Variants in LZTR1 observed in about 807,000 individuals in gnomAD.
LZTR1 encodes leucine zipper like post translational regulator 1.
In LZTR1, 260 loss-of-function variants were observed where a neutral mutation model predicts 105.7. That is an observed-to-expected ratio of 2.46 (90% CI 2.22 to 2.72). LZTR1 has a LOEUF of 2.72. LZTR1 is among the 30% of genes most tolerant of loss of function. The pLI is 0.00. For missense variants in LZTR1, 1,214 were observed against 1,166.9 expected (o/e 1.04, Z -0.59); for synonymous variants, 490 against 476.4 (o/e 1.03, Z -0.37).
Position 20,994,901 on chromosome 22 carries a change from C to T in LZTR1, c.1817C>T (p.Ser606Phe), listed in dbSNP as rs777269581. 1 of 1,613,378 alleles carries T rather than the reference C, an allele frequency of 6.2e-7. No homozygotes were observed. The highest frequency in any genetic ancestry group is 8.5e-7 in the Non-Finnish European group (1 of 1,179,992). ...EHCLNFVVKE[S>F]HFNQVIMMKE... ...TGCCTGAACTTCGTGGTAAAGGAGT[C>T]CCACTTCAACCAGGTGATCATGATG... Residue 606 changes from serine (S) to phenylalanine (F), a missense_variant, in exon 16 of 21, where the codon TCC (serine) becomes TTC (phenylalanine). By Grantham distance (155) the Ser-to-Phe change is radical (BLOSUM62 -2). Coordinates refer to ENST00000646124, the MANE Select transcript of LZTR1 (RefSeq NM_006767.4).
rs1046322896 is a variant in LZTR1, at chr22:20,989,644, A to G, written c.613A>G (p.Ile205Val). ...GNARLNDMWT[I>V]GLQDRELTCW... is the part of the protein sequence containing the mutation. ...ATACAGGTTGAATGACATGTGGACA[A>G]TTGGCCTCCAGGACCGAGAGCTCAC... Residue 205 changes from isoleucine (I) to valine (V), a missense_variant, in exon 7 of 21, where the codon ATT (isoleucine) becomes GTT (valine). Physicochemically the swap from Ile to Val is conservative, Grantham distance 29 (BLOSUM62 3). Coordinates refer to ENST00000646124, the MANE Select transcript of LZTR1 (RefSeq NM_006767.4). 7 of 1,613,486 alleles carry G rather than the reference A, an allele frequency of 4.3e-6. No homozygotes were observed. The highest frequency in any genetic ancestry group is 2.7e-5 in the African/African-American group (2 of 74,904).
rs1555927181 is a variant in LZTR1, at chr22:20,984,615, G to GT, written c.264-1226_264-1225insT. The stretch of plus-strand genomic sequence containing the variant: ...TGCGGCACGTGGGGCAAGTAAGGAG[G>GT]GGGGGGGGGCGGTATCACAATCACC... On this transcript the variant is annotated intron_variant, in intron 2 of 20. Transcript: ENST00000646124. Among the ~76,000 whole-genome samples, 113 of 35,070 alleles carry GT rather than the reference G, an allele frequency of 3.2e-3. 4 individuals carry two copies. Among genetic ancestry groups the GT allele is most frequent in the Non-Finnish European group, 7.8e-3 (74 of 9,492 alleles). The allele number at this position is 35,070 out of a possible 152,430, so 23.0% of individuals were successfully genotyped here.
At chr22:20,993,627 C>G (rs1294434623) in intron 11 of LZTR1, 35 bp from the exon 12 acceptor site, 14 of 1,581,740 alleles carry the variant, frequency 8.9e-6, no homozygotes, top group Non-Finnish European at 1.2e-5. Flanking sequence ...ACCCTGCTGT[C>G]TGCAACATCT....
At chr22:20,994,495 C>G in intron 14 of LZTR1, 63 bp from the exon 15 acceptor site, 3 of 1,548,714 alleles carry the variant, frequency 1.9e-6, no homozygotes, top group Non-Finnish European at 2.6e-6. Flanking sequence ...GGGGGGAGCC[C>G]TGCGCCCTGT....
At chr22:20,993,200 AG>A (rs1924669291) in intron 11 of LZTR1, 1 of 451,818 alleles carries the variant, frequency 2.2e-6, no homozygotes, top group Admixed American at 3.8e-5. Context: ...AGCCTGGCCC[AG>A]GGCAGAGCCA....
intron 5 of LZTR1, 29 bp from the exon 6 acceptor site, chr22:20,988,756 CCTCA>C (rs879767621): frequency 1.3e-6 from 2 of 1,561,394 alleles, no homozygotes; most frequent in Non-Finnish European, 1.8e-6. Flanking sequence ...TGCTGGGCGG[CCTCA>C]CTCCCTCCCC....
chr22:20,990,249 C>G (rs950770496), intron 7 of LZTR1, 137 bp from the exon 8 acceptor site: 5 of 1,015,188 alleles, frequency 4.9e-6, no homozygotes, highest in Non-Finnish European at 7.5e-6. Context: ...ATGAGCTGTT[C>G]CAAGACAAAG....
intron 13 of LZTR1, 21 bp downstream of exon 13, chr22:20,994,040 G>C: frequency 6.3e-7 from 1 of 1,595,274 alleles, no homozygotes. Context: ...TAACCGCCCT[G>C]CCCTGACCTG....
chr22:20,996,915 A>G lies in LZTR1; in HGVS notation c.2355A>G (p.Ala785=), dbSNP rs751681487. The stretch of plus-strand genomic sequence containing the variant: ...TGGAGGCAGCTGACAAAACGCAGGC[A>G]CTGGACATGAAGCGGCACTGCCTGC... ...QILEAADKTQ[A]LDMKRHCLHI... Residue 785 remains alanine, a synonymous_variant, in exon 20 of 21, where the codon GCA becomes GCG. Coordinates refer to ENST00000646124, the MANE Select transcript of LZTR1 (RefSeq NM_006767.4). 5.2e-5 allele frequency: 84 copies of G among 1,613,038 alleles called. No individual in the cohort carries two copies. In the Admixed American group the frequency reaches 1.3e-3, roughly 26 times the overall value.
At position 20,982,388 on chromosome 22, in the gene LZTR1, G is replaced by T. The variant is rs1169396415; in HGVS notation, c.17G>T (p.Ser6Ile). 2 of 1,556,944 alleles carry T rather than the reference G, an allele frequency of 1.3e-6. No individual in the cohort carries two copies. The highest frequency in any genetic ancestry group is 1.9e-5 in the Admixed American group (1 of 51,730). The change falls in exon 1 of 21, where the codon AGC (serine) becomes ATC (isoleucine). Residue 6 changes from serine to isoleucine, a missense_variant. Transcript: ENST00000646124. ...GGACCCGGGATGGCTGGACCGGGCA[G>T]CACGGGGGGGCAGATCGGGGCTGCG... The part of the protein sequence containing the change: MAGPG[S>I]TGGQIGAAAL...
Position 20,983,096 on chromosome 22 carries a change from G to A in LZTR1, c.263+7G>A, listed in dbSNP as rs185749722. 1.4e-4 allele frequency: 229 copies of A among 1,612,794 alleles called. 2 individuals are homozygous for A. The East Asian group carries it at 3.1e-3, about 22-fold the overall frequency. On this transcript the variant is annotated splice_region_variant and intron_variant, in intron 2 of 20. Transcript: ENST00000646124. ...TATTTGGTGGAGACAATGGGTGAGTGAGTCTCAGCATCAGTGTTTGGACCA... is the reference window on the plus strand; with the variant it reads ...TATTTGGTGGAGACAATGGGTGAGTAAGTCTCAGCATCAGTGTTTGGACCA...
rs1924265649 is a variant in LZTR1, at chr22:20,983,269, G to A, written c.263+180G>A. ...CCTGGTCGTGGTGAGGATTAAATGA[G>A]ATCCTGCACTCATGGTCCTCAGCAC... is the stretch of plus-strand genomic sequence containing the variant. On this transcript the variant is annotated intron_variant, in intron 2 of 20. Transcript: ENST00000646124. 1.9e-5 allele frequency: 12 copies of A among 623,402 alleles called. No individual in the cohort carries two copies. The Middle Eastern group carries it at 1.2e-3, about 64-fold the overall frequency. 38.6% of individuals were successfully genotyped at this position (623,402 alleles called of 1,614,324 possible).
At position 20,997,265 on chromosome 22, in the gene LZTR1, C is replaced by T. The variant is rs1392689787; in HGVS notation, c.2440C>T (p.Gln814Ter). The change falls in exon 21 of 21, where the codon CAG (glutamine) becomes TAG (stop). Residue 814 changes from glutamine to a stop codon, truncating the protein, a stop_gained. Transcript: ENST00000646124. LOFTEE classifies it high-confidence loss of function. Reference sequence around the variant, plus strand: ...GTTGCCCACCCTGCGGTCGCTGAGCCAGCAGCTGCTGCTGGACATCATAGA... The same window carrying T: ...GTTGCCCACCCTGCGGTCGCTGAGCTAGCAGCTGCTGCTGGACATCATAGA... ...SKLPTLRSLS[Q>*]QLLLDIIDSL... 2.5e-6 allele frequency: 4 copies of T among 1,613,948 alleles called. No individual in the cohort carries two copies. The highest frequency in any genetic ancestry group is 1.3e-5 in the African/African-American group (1 of 75,056).
chr22:20,997,282 C>T lies in LZTR1; in HGVS notation c.2457C>T (p.Asp819=). The change falls in exon 21 of 21, where the codon GAC becomes GAT. Residue 819 remains aspartate (D), a synonymous_variant. Transcript: ENST00000646124. ...LRSLSQQLLL[D]IIDSLASHIS... ...CGCTGAGCCAGCAGCTGCTGCTGGA[C>T]ATCATAGACTCCCTGGCCTCCCACA... 2 of 1,613,900 alleles carry T rather than the reference C, an allele frequency of 1.2e-6. No individual in the cohort carries two copies.
intron 8 of LZTR1, chr22:20,990,757 C>T (rs1374609757): frequency 2.0e-6 from 1 of 510,642 alleles, no homozygotes; most frequent in Non-Finnish European, 3.5e-6. Flanking sequence ...GGCTAGGCCT[C>T]CCTCTGAACG....
At position 20,997,535 on chromosome 22, in the gene LZTR1, C is replaced by G. The variant is rs1924914747; in HGVS notation, c.*187C>G. On this transcript the variant is annotated 3_prime_UTR_variant, in exon 21 of 21. Transcript: ENST00000646124. ...CCCAAACTCATTAATTCACTGAAGA[C>G]ACAGGTCCCACAGGGAGCGGATGAT... 1.8e-6 allele frequency: 1 copy of G among 562,540 alleles called. No individual in the cohort carries two copies. The highest frequency in any genetic ancestry group is 1.9e-5 in the African/African-American group (1 of 53,022). 34.8% of individuals were successfully genotyped at this position (562,540 alleles called of 1,614,324 possible).
chr22:20,982,666 G>A, intron 1 of LZTR1, 95 bp downstream of exon 1: 1 of 1,260,568 alleles, frequency 7.9e-7, no homozygotes, highest in Non-Finnish European at 1.1e-6. Flanking sequence ...TGGTGTCCTG[G>A]GGTAGGATCT....
Position 20,996,921 on chromosome 22 carries a change from C to T in LZTR1, c.2361C>T (p.Asp787=), listed in dbSNP as rs1438567951. The T allele has an allele frequency of 2.5e-6, 4 of 1,613,188 alleles. No individual in the cohort carries two copies. Among genetic ancestry groups the T allele is most frequent in the East Asian group, 2.2e-5 (1 of 44,878 alleles). Residue 787 remains aspartate, a synonymous_variant, in exon 20 of 21, where the codon GAC becomes GAT. Transcript: ENST00000646124. ...CAGCTGACAAAACGCAGGCACTGGA[C>T]ATGAAGCGGCACTGCCTGCACATCA... ...LEAADKTQAL[D]MKRHCLHIIV...
chr22:20,988,924 G>A (rs759672467), intron 6 of LZTR1, 52 bp downstream of exon 6: 4 of 1,520,088 alleles, frequency 2.6e-6, no homozygotes, highest in Non-Finnish European at 2.7e-6. Context: ...CTGAGACCCG[G>A]AGCAGGCCGT....
Sources: allele counts gnomAD v4.1 joint callset (sites outside exome capture counted in the v4.1 genomes callset), GRCh38; gene constraint gnomAD v4.1.1; transcripts MANE v1.5; gene names NCBI Gene and HGNC (gene_info 2026-07-23, HGNC 2026-07-21).